The following ERBB4 variants were observed in gnomAD, a reference collection of about 807,000 sequenced individuals.
ERBB4 encodes receptor tyrosine-protein kinase erbB-4.
In ERBB4, 42 loss-of-function variants were observed where a neutral mutation model predicts 158.0. The ratio of observed to expected loss-of-function variants is 0.27; its 90% CI spans 0.21 to 0.34. The LOEUF is 0.34. Ranked by LOEUF, ERBB4 falls within the 10% of genes least tolerant of loss-of-function variation. The pLI is 1.00. For synonymous variants in ERBB4, 583 were observed against 558.7 expected, an observed-to-expected ratio of 1.04 and a Z score of -0.61; for missense variants, 1,333 against 1,624.1, an observed-to-expected ratio of 0.82 and a Z score of 3.08.
rs555341064 is a variant in ERBB4, at chr2:212,332,031, A to G, written c.82+206418T>C. 2.6e-5 allele frequency among the ~76,000 whole-genome samples: 4 copies of G among 152,100 alleles called. No individual in the cohort carries two copies. The East Asian group carries it at 5.8e-4, about 22-fold the overall frequency. ...TTTTCGAGAAAAATTAACTAATAAG[A>G]TAAGTATAGTTTGTCTCCTCAGTAG... On this transcript the variant is annotated intron_variant, in intron 1 of 27. Transcript: ENST00000342788.
At chr2:211,443,277 A>G (rs1277853000) in intron 20 of ERBB4, among the ~76,000 whole-genome samples, 2 of 152,118 alleles carry the variant, frequency 1.3e-5, no homozygotes, top group Non-Finnish European at 2.9e-5. Flanking sequence ...TTCTATTGCT[A>G]ATGATGATTT....
intron 7 of ERBB4, among the ~76,000 whole-genome samples, chr2:211,721,644 T>TATATATATATATATATATATATATAC (rs1156312544): frequency 6.9e-6 from 1 of 144,740 alleles, no homozygotes; most frequent in African/African-American, 2.6e-5. Context: ...TATATATATA[T>TATATATATATATATATATATATATAC]ACATGTTTTG....
intron 1 of ERBB4, among the ~76,000 whole-genome samples, chr2:212,193,797 A>T (rs777746291): frequency 6.6e-6 from 1 of 152,142 alleles, no homozygotes; most frequent in Non-Finnish European, 1.5e-5. Context: ...ATGTATGTAG[A>T]TGAGTAATTC....
At chr2:212,157,687 T>A (rs989625330) in intron 1 of ERBB4, among the ~76,000 whole-genome samples, 1 of 152,152 alleles carries the variant, frequency 6.6e-6, no homozygotes, top group Non-Finnish European at 1.5e-5. Context: ...TTATGAAGTT[T>A]ATCAATTGAT....
intron 5 of ERBB4, among the ~76,000 whole-genome samples, chr2:211,746,890 G>A (rs546311581): frequency 1.7e-4 from 26 of 151,422 alleles, no homozygotes; most frequent in African/African-American, 6.3e-4. Flanking sequence ...GTTTCTTATG[G>A]AACCTAAGGA....
intron 19 of ERBB4, among the ~76,000 whole-genome samples, chr2:211,580,838 TA>T (rs370555446): frequency 0.018 from 252 of 13,708 alleles, 32 homozygotes; most frequent in Middle Eastern, 0.18. Flanking sequence ...ATATATAGAT[TA>T]TATATTATAT....
At chr2:211,775,272 C>T (rs562411184) in intron 4 of ERBB4, among the ~76,000 whole-genome samples, 11 of 152,044 alleles carry the variant, frequency 7.2e-5, no homozygotes, top group Admixed American at 2.0e-4. Context: ...TTGAGTAGCT[C>T]GTCTGGTTTT....
chr2:212,151,973 T>C (rs1008794499), intron 1 of ERBB4, among the ~76,000 whole-genome samples: 1 of 152,318 alleles, frequency 6.6e-6, no homozygotes, highest in Middle Eastern at 3.4e-3. Flanking sequence ...CCACTCTTTA[T>C]TCTAGGCAAT....
intron 2 of ERBB4, among the ~76,000 whole-genome samples, chr2:212,111,703 T>A (rs1292891310): frequency 6.6e-6 from 1 of 152,012 alleles, no homozygotes; most frequent in East Asian, 1.9e-4. Context: ...CCCTGCCAAA[T>A]GCATGCTACT....
intron 1 of ERBB4, among the ~76,000 whole-genome samples, chr2:212,405,117 A>G (rs1290334544): frequency 6.6e-6 from 1 of 152,072 alleles, no homozygotes. Context: ...TTAAATATCC[A>G]GCATCCGTAA....
At chr2:212,305,807 C>T (rs2086789443) in intron 1 of ERBB4, among the ~76,000 whole-genome samples, 1 of 151,264 alleles carries the variant, frequency 6.6e-6, no homozygotes, top group Non-Finnish European at 1.5e-5. Context: ...AATCATGTCC[C>T]TGTACATTAA....
chr2:212,534,273 G>T (rs1692918426), intron 1 of ERBB4, among the ~76,000 whole-genome samples: 1 of 152,136 alleles, frequency 6.6e-6, no homozygotes, highest in African/African-American at 2.4e-5. Flanking sequence ...TCTCAAGGTG[G>T]CTCTAATCAA....
chr2:212,242,939 A>G (rs1172305900), intron 1 of ERBB4, among the ~76,000 whole-genome samples: 1 of 152,104 alleles, frequency 6.6e-6, no homozygotes, highest in Non-Finnish European at 1.5e-5. Flanking sequence ...TGAACACATC[A>G]AAGTGTCAGT....
At chr2:211,461,749 T>A (rs943339144) in intron 20 of ERBB4, among the ~76,000 whole-genome samples, 3 of 152,072 alleles carry the variant, frequency 2.0e-5, no homozygotes, top group African/African-American at 7.2e-5. Flanking sequence ...GCAGAGGTTA[T>A]CTAGAAGAGT....
intron 1 of ERBB4, among the ~76,000 whole-genome samples, chr2:212,161,535 G>T (rs1398924172): frequency 6.6e-6 from 1 of 151,788 alleles, no homozygotes; most frequent in East Asian, 1.9e-4. Flanking sequence ...TTTGTATTAG[G>T]AGTTTATGTC....
intron 25 of ERBB4, among the ~76,000 whole-genome samples, chr2:211,390,824 T>C (rs1262322981): frequency 6.6e-6 from 1 of 152,212 alleles, no homozygotes; most frequent in Non-Finnish European, 1.5e-5. Context: ...TTTTCCTGTT[T>C]TCAGCATTAA....
At chr2:212,514,195 G>T (rs987905117) in intron 1 of ERBB4, among the ~76,000 whole-genome samples, 1 of 149,076 alleles carries the variant, frequency 6.7e-6, no homozygotes, top group African/African-American at 2.5e-5. Flanking sequence ...AAAAAAAAAA[G>T]CTTTGCTGCA....
chr2:211,506,679 A>G (rs4640327), intron 20 of ERBB4, among the ~76,000 whole-genome samples: 48,195 of 151,822 alleles, frequency 0.32, 8,287 homozygotes, highest in African/African-American at 0.44. Context: ...ACAACAATAA[A>G]GCAGAAATTA....
intron 25 of ERBB4, among the ~76,000 whole-genome samples, chr2:211,395,096 C>G (rs992259031): frequency 6.6e-6 from 1 of 152,006 alleles, no homozygotes; most frequent in African/African-American, 2.4e-5. Flanking sequence ...AACATTAAAG[C>G]AAAGTATCTT....
Sources: gnomAD v4.1 joint callset for allele counts (sites outside exome capture counted in the v4.1 genomes callset) on GRCh38, gnomAD v4.1.1 for gene constraint, MANE v1.5 for transcripts, NCBI Gene and HGNC (gene_info 2026-07-23, HGNC 2026-07-21) for gene names.